NRG3: variants seen among roughly 807,000 people sequenced by gnomAD.
The protein encoded by NRG3 is neuregulin 3, also known as pro-neuregulin-3, membrane-bound isoform.
In NRG3, 31 loss-of-function variants were observed where a neutral mutation model predicts 66.9. The ratio of observed to expected loss-of-function variants is 0.46; its 90% CI spans 0.35 to 0.63. The LOEUF is 0.63. NRG3 is among the 20% of genes least tolerant of loss of function. The probability of loss-of-function intolerance (pLI) is 0.00; values close to 1 mark genes in which losing one functional copy is unlikely to be tolerated. For synonymous variants in NRG3, 393 were observed against 359.4 expected, an observed-to-expected ratio of 1.09 and a Z score of -1.06; for missense variants, 910 against 878.9, an observed-to-expected ratio of 1.04 and a Z score of -0.45.
chr10:82,391,171 A>G (rs2086339292), intron 2 of NRG3, among the ~76,000 whole-genome samples: 1 of 152,158 alleles, frequency 6.6e-6, no homozygotes, highest in African/African-American at 2.4e-5. Context: ...TCAGTGATTC[A>G]ACATGTCTGT....
intron 2 of NRG3, among the ~76,000 whole-genome samples, chr10:82,629,622 C>T: frequency 6.6e-6 from 1 of 152,114 alleles, no homozygotes; most frequent in East Asian, 1.9e-4. Flanking sequence ...AGTTTCCTGC[C>T]ATGGATGTAT....
At chr10:82,679,118 A>C (rs2134105509) in intron 2 of NRG3, among the ~76,000 whole-genome samples, 1 of 152,322 alleles carries the variant, frequency 6.6e-6, no homozygotes, top group Non-Finnish European at 1.5e-5. Context: ...GGAGAACTGA[A>C]AGGACTTGAT....
At chr10:82,547,460 T>C (rs2132838672) in intron 2 of NRG3, among the ~76,000 whole-genome samples, 2 of 149,934 alleles carry the variant, frequency 1.3e-5, no homozygotes, top group East Asian at 1.9e-4. Context: ...TGTATATATG[T>C]ATGTATATAT....
chr10:82,783,515 G>T (rs576981777), intron 3 of NRG3, among the ~76,000 whole-genome samples: 1 of 151,894 alleles, frequency 6.6e-6, no homozygotes, highest in South Asian at 2.1e-4. Context: ...AAAGTCTCAG[G>T]ATACAAAATC....
chr10:82,620,406 G>A (rs1199061023), intron 2 of NRG3, among the ~76,000 whole-genome samples: 1 of 152,134 alleles, frequency 6.6e-6, no homozygotes, highest in African/African-American at 2.4e-5. Flanking sequence ...CGGCAGAGAG[G>A]GGAGCTGGAG....
At chr10:82,132,524 T>TCATA (rs1564593958) in intron 1 of NRG3, among the ~76,000 whole-genome samples, 9 of 20,832 alleles carry the variant, frequency 4.3e-4, no homozygotes, top group Non-Finnish European at 1.4e-3. Context: ...ATGATATATA[T>TCATA]GATATATATA....
intron 1 of NRG3, among the ~76,000 whole-genome samples, chr10:82,023,396 G>A (rs969196313): frequency 6.6e-6 from 1 of 152,004 alleles, no homozygotes; most frequent in Non-Finnish European, 1.5e-5. Context: ...GTGCTATGTT[G>A]AATAAAAGTG....
chr10:82,010,859 C>G (rs187339354), intron 1 of NRG3, among the ~76,000 whole-genome samples: 1 of 152,146 alleles, frequency 6.6e-6, no homozygotes, highest in Non-Finnish European at 1.5e-5. Context: ...GGCAAGAAAC[C>G]TCACTGATGA....
chr10:82,034,195 A>C (rs2062690990), intron 1 of NRG3, among the ~76,000 whole-genome samples: 1 of 152,140 alleles, frequency 6.6e-6, no homozygotes. Context: ...ACATTTTTTA[A>C]ATTACTTAGC....
chr10:82,914,030 T>C (rs1392819253), intron 4 of NRG3, among the ~76,000 whole-genome samples: 3 of 152,224 alleles, frequency 2.0e-5, no homozygotes, highest in Non-Finnish European at 4.4e-5. Flanking sequence ...AGTGTTGCTA[T>C]TGATACATCT....
At chr10:82,491,311 T>TAC (rs1463309947) in intron 2 of NRG3, among the ~76,000 whole-genome samples, 1,052 of 132,760 alleles carry the variant, frequency 7.9e-3, no homozygotes, top group South Asian at 0.016. Context: ...TATATATATA[T>TAC]ATATAAAATA....
intron 3 of NRG3, among the ~76,000 whole-genome samples, chr10:82,840,467 A>G (rs945193503): frequency 2.6e-5 from 4 of 152,160 alleles, no homozygotes; most frequent in Non-Finnish European, 5.9e-5. Flanking sequence ...CTGATAATCA[A>G]TGACATCATA....
chr10:82,479,420 C>T (rs1042364976), intron 2 of NRG3, among the ~76,000 whole-genome samples: 1 of 151,324 alleles, frequency 6.6e-6, no homozygotes. Context: ...AAAAACTGGC[C>T]GGGCGCGGTG....
At chr10:82,326,788 T>C (rs1024704986) in intron 1 of NRG3, among the ~76,000 whole-genome samples, 8 of 152,208 alleles carry the variant, frequency 5.3e-5, no homozygotes, top group African/African-American at 1.9e-4. Context: ...TAGTCCATGA[T>C]ACTACATTTT....
chr10:82,199,889 CGTGTGTGTGT>C (rs71007301), intron 1 of NRG3, among the ~76,000 whole-genome samples: 12 of 142,702 alleles, frequency 8.4e-5, no homozygotes, highest in African/African-American at 2.1e-4. Flanking sequence ...TGTGTGTGTG[CGTGTGTGTGT>C]GTGTGTGTGT....
chr10:82,153,824 C>CT (rs1489827856), intron 1 of NRG3, among the ~76,000 whole-genome samples: 1 of 151,708 alleles, frequency 6.6e-6, no homozygotes, highest in African/African-American at 2.4e-5. Flanking sequence ...AGATGGTGAA[C>CT]TTTTTTTTCA....
At chr10:82,803,356 G>A (rs2061132479) in intron 3 of NRG3, among the ~76,000 whole-genome samples, 1 of 152,072 alleles carries the variant, frequency 6.6e-6, no homozygotes, top group South Asian at 2.1e-4. Context: ...TTATTTGTGT[G>A]GGACTCTAAA....
At chr10:82,878,928 A>G (rs1473654728) in intron 4 of NRG3, among the ~76,000 whole-genome samples, 1 of 152,034 alleles carries the variant, frequency 6.6e-6, no homozygotes, top group Non-Finnish European at 1.5e-5. Context: ...TCATTTCTCT[A>G]CCTACCCCAG....
chr10:82,862,190 A>G (rs2064165191), intron 3 of NRG3, among the ~76,000 whole-genome samples: 1 of 152,168 alleles, frequency 6.6e-6, no homozygotes, highest in Non-Finnish European at 1.5e-5. Flanking sequence ...GAATACCAAC[A>G]GACTGTTAGA....
Sources: allele counts gnomAD v4.1 joint callset (sites outside exome capture counted in the v4.1 genomes callset), GRCh38; gene constraint gnomAD v4.1.1; transcripts MANE v1.5; gene names NCBI Gene and HGNC (gene_info 2026-07-23, HGNC 2026-07-21).